Variants in JAKMIP1 observed in about 807,000 individuals in gnomAD.
JAKMIP1 encodes the protein janus kinase and microtubule interacting protein 1.
Under a neutral mutation model 113.0 loss-of-function variants are expected in JAKMIP1, and 33 were observed. The ratio of observed to expected loss-of-function variants is 0.29; its 90% CI spans 0.22 to 0.39. The LOEUF (loss-of-function observed/expected upper bound fraction) is 0.39, where lower values mean the gene tolerates loss of function less well. JAKMIP1 is among the 10% of genes least tolerant of loss of function. JAKMIP1 has a pLI of 1.00. For synonymous variants in JAKMIP1, 480 were observed against 459.9 expected (o/e 1.04, Z -0.56); for missense variants, 813 against 1,080.5 (o/e 0.75, Z 3.47).
At chr4:6,114,681 C>T (rs1346089689) in intron 1 of JAKMIP1, among the ~76,000 whole-genome samples, 1 of 152,216 alleles carries the variant, frequency 6.6e-6, no homozygotes, top group East Asian at 1.9e-4. Flanking sequence ...ATCAACATCA[C>T]CGCTGATCGA....
At chr4:6,133,788 G>A (rs749658673) in intron 1 of JAKMIP1, among the ~76,000 whole-genome samples, 22 of 152,202 alleles carry the variant, frequency 1.4e-4, no homozygotes, top group South Asian at 2.1e-4. Flanking sequence ...CTTGCAGGAG[G>A]TAGGGGTCAT....
At position 6,157,080 on chromosome 4, in the gene JAKMIP1, A is replaced by T. The variant is rs1722330698; in HGVS notation, c.-148+43173T>A. Among the ~76,000 whole-genome samples the T allele has an allele frequency of 6.6e-6, 1 of 152,326 alleles. No homozygotes were observed. Among genetic ancestry groups the T allele is most frequent in the Admixed American group, 6.5e-5 (1 of 15,304 alleles). On this transcript the variant is annotated intron_variant, in intron 1 of 20. Transcript: ENST00000409021. The surrounding 1 kb of genome is among the most constrained non-coding windows in gnomAD (Gnocchi z 4.7). ...TTGCCGGAGTGGATTCCTGATAAAA[A>T]GCTGAGTTCAGCCCCCTTCTCAGCT...
At position 6,171,727 on chromosome 4, in the gene JAKMIP1, G is replaced by A. The variant is rs577925345; in HGVS notation, c.-148+28526C>T. 4.6e-5 allele frequency among the ~76,000 whole-genome samples: 7 copies of A among 152,322 alleles called. No homozygotes were observed. The South Asian group carries it at 8.3e-4, about 18-fold the overall frequency. On this transcript the variant is annotated intron_variant, in intron 1 of 20. Transcript: ENST00000409021. ...AAAAGCTACTGAACCCAGGAGTACC[G>A]TGCAGGTAGGACTGTGCTTCTCTCA...
chr4:6,180,650 C>G lies in JAKMIP1; in HGVS notation c.-148+19603G>C, dbSNP rs1332256229. On this transcript the variant is annotated intron_variant, in intron 1 of 20. Coordinates refer to ENST00000409021, the MANE Select transcript of JAKMIP1 (RefSeq NM_001099433.2). This position sits in a 1 kb window ranked among gnomAD's most constrained non-coding sequence, Gnocchi z 4.5. Reference sequence around the variant, plus strand: ...TCTGCAGCCCTGTGACAAGGGTATTCTTAGTACCCCCATTTTAATGGACCA... The same window carrying G: ...TCTGCAGCCCTGTGACAAGGGTATTGTTAGTACCCCCATTTTAATGGACCA... Among the ~76,000 whole-genome samples the G allele has an allele frequency of 6.6e-6, 1 of 152,170 alleles. No homozygotes were observed. The highest frequency in any genetic ancestry group is 1.5e-5 in the Non-Finnish European group (1 of 68,022).
chr4:6,044,210 C>G lies in JAKMIP1; in HGVS notation c.2029-1983G>C, dbSNP rs1714704739. ...GACAGCGCTGTTGTCTGTTTCACCC[C>G]TCACCCCGCTGCCCCCCTTGAAGGT... On this transcript the variant is annotated intron_variant, in intron 16 of 20. Coordinates refer to ENST00000409021, the MANE Select transcript of JAKMIP1 (RefSeq NM_001099433.2). The surrounding 1 kb of genome is among the most constrained non-coding windows in gnomAD (Gnocchi z 4.4). Among the ~76,000 whole-genome samples, 1 of 152,050 alleles carries G rather than the reference C, an allele frequency of 6.6e-6. No homozygotes were observed.
intron 20 of JAKMIP1, among the ~76,000 whole-genome samples, chr4:6,028,696 C>T (rs1218998998): frequency 6.6e-6 from 1 of 152,190 alleles, no homozygotes; most frequent in Non-Finnish European, 1.5e-5. Flanking sequence ...CCCCTTCTAC[C>T]TCCTCTTCCC....
At position 6,044,407 on chromosome 4, in the gene JAKMIP1, C is replaced by A. The variant is rs1714730619; in HGVS notation, c.2029-2180G>T. Among the ~76,000 whole-genome samples, 1 of 152,180 alleles carries A rather than the reference C, an allele frequency of 6.6e-6. No homozygotes were observed. The highest frequency in any genetic ancestry group is 2.4e-5 in the African/African-American group (1 of 41,550). On this transcript the variant is annotated intron_variant, in intron 16 of 20. Coordinates refer to ENST00000409021, the MANE Select transcript of JAKMIP1 (RefSeq NM_001099433.2). The surrounding 1 kb of genome is among the most constrained non-coding windows in gnomAD (Gnocchi z 4.4). Reference sequence around the variant, plus strand: ...ACTGATCGGCTCCTGCCACAGAACTCCTTCCCTAACGCCACAGTGAGCTCG... The same window carrying A: ...ACTGATCGGCTCCTGCCACAGAACTACTTCCCTAACGCCACAGTGAGCTCG...
At position 6,042,571 on chromosome 4, in the gene JAKMIP1, T is replaced by C. The variant is rs566789154; in HGVS notation, c.2029-344A>G. 1.5e-4 allele frequency among the ~76,000 whole-genome samples: 23 copies of C among 152,092 alleles called. No homozygotes were observed. Among genetic ancestry groups the C allele is most frequent in the African/African-American group, 5.5e-4 (23 of 41,500 alleles). On this transcript the variant is annotated intron_variant, in intron 16 of 20. Coordinates refer to ENST00000409021, the MANE Select transcript of JAKMIP1 (RefSeq NM_001099433.2). This position sits in a 1 kb window ranked among gnomAD's most constrained non-coding sequence, Gnocchi z 5.2. Reference sequence around the variant, plus strand: ...TCAATGAGTGCCTGCTCTGTGCTGATGCTTCACACAGGAGACCTCATCTGA... The same window carrying C: ...TCAATGAGTGCCTGCTCTGTGCTGACGCTTCACACAGGAGACCTCATCTGA...
chr4:6,122,871 C>G (rs547920344), intron 1 of JAKMIP1, among the ~76,000 whole-genome samples: 30 of 152,282 alleles, frequency 2.0e-4, no homozygotes, highest in African/African-American at 6.5e-4. Context: ...CTCTGTGCCT[C>G]AATTTCTTGA....
At chr4:6,102,430 A>G (rs888087494) in intron 3 of JAKMIP1, among the ~76,000 whole-genome samples, 1 of 152,146 alleles carries the variant, frequency 6.6e-6, no homozygotes, top group Admixed American at 6.6e-5. Flanking sequence ...TAAGAGAAAT[A>G]TGAGCTGCCT....
At chr4:6,161,507 G>A (rs1722954671) in intron 1 of JAKMIP1, among the ~76,000 whole-genome samples, 1 of 151,846 alleles carries the variant, frequency 6.6e-6, no homozygotes, top group Non-Finnish European at 1.5e-5. Flanking sequence ...TGACCAAGAA[G>A]TTATGCTGAG....
rs376419594 is a variant in JAKMIP1, at chr4:6,132,564, T to C, written c.-147-19567A>G. On this transcript the variant is annotated intron_variant, in intron 1 of 20. Transcript: ENST00000409021. Reference sequence around the variant, plus strand: ...GGCTGAGGCAGGAGGATCGCTTGAATCTGGGATGTGGAGGTTGCAGTGAGC... The same window carrying C: ...GGCTGAGGCAGGAGGATCGCTTGAACCTGGGATGTGGAGGTTGCAGTGAGC... 2.0e-3 allele frequency among the ~76,000 whole-genome samples: 301 copies of C among 150,794 alleles called. 2 individuals carry two copies. Among genetic ancestry groups the C allele is most frequent in the African/African-American group, 6.9e-3 (282 of 40,868 alleles).
intron 1 of JAKMIP1, among the ~76,000 whole-genome samples, chr4:6,177,280 T>C (rs896060643): frequency 6.6e-6 from 1 of 152,126 alleles, no homozygotes; most frequent in African/African-American, 2.4e-5. Context: ...GACCTCCCCA[T>C]TGCACAGATG....
At chr4:6,159,753 C>G (rs1041688382) in intron 1 of JAKMIP1, among the ~76,000 whole-genome samples, 2 of 152,206 alleles carry the variant, frequency 1.3e-5, no homozygotes, top group African/African-American at 4.8e-5. Context: ...TAGGGTGCCG[C>G]TGGGCAATTT....
In JAKMIP1 at chr4:6,064,284, G is replaced by A. The variant is rs1717732656; in HGVS notation, c.1431+596C>T. On this transcript the variant is annotated intron_variant, in intron 9 of 20. Transcript: ENST00000409021. The surrounding 1 kb of genome is among the most constrained non-coding windows in gnomAD (Gnocchi z 4.3). ...GAAAGAATTCACCTGGGGAAGGTGA[G>A]TGAGAACGAAGCTGGTCTTTGCCCC... 6.6e-6 allele frequency among the ~76,000 whole-genome samples: 1 copy of A among 152,234 alleles called. No homozygotes were observed. The highest frequency in any genetic ancestry group is 2.4e-5 in the African/African-American group (1 of 41,464).
chr4:6,138,001 A>G lies in JAKMIP1; in HGVS notation c.-147-25004T>C, dbSNP rs376814549. ...ACCAGCTCTGGGACAGTGGCTCCCA[A>G]TGCCCCAGCTCCCAGAGGTGGCAGA... is the stretch of plus-strand genomic sequence containing the variant. On this transcript the variant is annotated intron_variant, in intron 1 of 20. Transcript: ENST00000409021. The surrounding 1 kb of genome is among the most constrained non-coding windows in gnomAD (Gnocchi z 6.0). Among the ~76,000 whole-genome samples the G allele has an allele frequency of 1.3e-5, 2 of 152,272 alleles. No individual in the cohort carries two copies.
At position 6,064,537 on chromosome 4, in the gene JAKMIP1, C is replaced by A. The variant is rs1172788325; in HGVS notation, c.1431+343G>T. Among the ~76,000 whole-genome samples, 1 of 152,186 alleles carries A rather than the reference C, an allele frequency of 6.6e-6. No individual in the cohort carries two copies. Among genetic ancestry groups the A allele is most frequent in the Non-Finnish European group, 1.5e-5 (1 of 68,028 alleles). ...ACATGCGTGGGGACCAGGGAGAGAC[C>A]ATTACGCAGCAGTTTTAATTGCAAA... On this transcript the variant is annotated intron_variant, in intron 9 of 20. Transcript: ENST00000409021. This position sits in a 1 kb window ranked among gnomAD's most constrained non-coding sequence, Gnocchi z 4.3.
At chr4:6,098,702 AAG>A (rs1712417590) in intron 3 of JAKMIP1, among the ~76,000 whole-genome samples, 11 of 15,520 alleles carry the variant, frequency 7.1e-4, no homozygotes, top group Non-Finnish European at 1.1e-3. Context: ...GAAAGAAAGA[AAG>A]AAAGAAAGAA....
intron 5 of JAKMIP1, among the ~76,000 whole-genome samples, chr4:6,082,486 G>A (rs570174347): frequency 5.4e-5 from 8 of 147,886 alleles, no homozygotes; most frequent in East Asian, 4.0e-4. Flanking sequence ...TTTTTTTTTC[G>A]AGACAGAAGG....
Sources: allele counts gnomAD v4.1 joint callset (sites outside exome capture counted in the v4.1 genomes callset), GRCh38; gene constraint gnomAD v4.1.1; non-coding constraint Gnocchi (gnomAD v3.1); transcripts MANE v1.5; gene names NCBI Gene and HGNC (gene_info 2026-07-23, HGNC 2026-07-21).